FRMD1: variants seen among roughly 807,000 people sequenced by gnomAD.
FRMD1 encodes FERM domain containing 1.
A neutral mutation model predicts 54.9 loss-of-function variants in FRMD1; 51 were observed. The observed-to-expected ratio is 0.93, with a 90% CI of 0.74 to 1.17. FRMD1 has a LOEUF of 1.17. Among genes scored for constraint, FRMD1 ranks in the 50% most tolerant of loss-of-function variants. The probability of loss-of-function intolerance (pLI) is 0.00; values close to 1 mark genes in which losing one functional copy is unlikely to be tolerated. For missense variants in FRMD1, 729 were observed against 743.0 expected, an observed-to-expected ratio of 0.98 and a Z score of 0.22; for synonymous variants, 324 against 306.4, an observed-to-expected ratio of 1.06 and a Z score of -0.60.
Position 168,075,293 on chromosome 6 carries a change from C to G in FRMD1, c.256G>C (p.Val86Leu). The change falls in exon 2 of 11, where the codon GTG becomes CTG. Residue 86 changes from valine (V) to leucine (L), a missense_variant. Coordinates refer to ENST00000283309, the MANE Select transcript of FRMD1 (RefSeq NM_024919.6). ...AACTGCGCGTCTCTGATGCTCGCCA[C>G]GTTGCACACTTGCTGGAAAAGCTCG... ...GRELFQQVCN[V>L]ASIRDAQFFG... 1 of 1,613,670 alleles carries G rather than the reference C, an allele frequency of 6.2e-7. No individual in the cohort carries two copies. Among genetic ancestry groups the G allele is most frequent in the Non-Finnish European group, 8.5e-7 (1 of 1,180,006 alleles).
upstream of FRMD1, among the ~76,000 whole-genome samples, chr6:168,080,143 C>T (rs533703426): frequency 3.9e-5 from 6 of 152,242 alleles, no homozygotes; most frequent in Admixed American, 6.5e-5. Flanking sequence ...GCACTCCAGC[C>T]GCCTTAAGGC....
At chr6:168,064,333 CG>C (rs1418780168) in intron 5 of FRMD1, among the ~76,000 whole-genome samples, 1 of 152,194 alleles carries the variant, frequency 6.6e-6, no homozygotes, top group Non-Finnish European at 1.5e-5. Flanking sequence ...CCTGCATCCC[CG>C]GGGTGACAGC....
In FRMD1 at chr6:168,060,791, T is replaced by C. The variant is rs780325200; in HGVS notation, c.1312A>G (p.Ser438Gly). Residue 438 changes from serine (S) to glycine (G), a missense_variant, in exon 9 of 11, where the codon AGC (serine) becomes GGC (glycine). Physicochemically the swap from Ser to Gly is moderately conservative, Grantham distance 56. Coordinates refer to ENST00000283309, the MANE Select transcript of FRMD1 (RefSeq NM_024919.6). ...EPSSSPRTSR[S>G]HPSTRGDSQA... ...CTGTCACCACGTGTGCTGGGGTGGC[T>C]GCGGCTGGTCCTGGGGCTGGAGGAC... 5.6e-6 allele frequency: 9 copies of C among 1,611,872 alleles called. No individual in the cohort carries two copies. The East Asian group carries it at 1.8e-4, about 32-fold the overall frequency.
intron 1 of FRMD1, among the ~76,000 whole-genome samples, chr6:168,076,570 T>G (rs555987422): frequency 6.6e-6 from 1 of 152,356 alleles, no homozygotes; most frequent in East Asian, 1.9e-4. Context: ...CGCTGGGCAC[T>G]CATTCTCTCT....
chr6:168,072,896 C>A (rs1403058742), intron 2 of FRMD1, among the ~76,000 whole-genome samples: 1 of 152,164 alleles, frequency 6.6e-6, no homozygotes, highest in Non-Finnish European at 1.5e-5. Context: ...AGTCAACATC[C>A]CGCCCTCCCC....
chr6:168,061,152 A>G (rs1799710291), intron 8 of FRMD1, 95 bp from the exon 9 acceptor site: 2 of 1,262,144 alleles, frequency 1.6e-6, no homozygotes, highest in Admixed American at 4.7e-5. Flanking sequence ...ATGCACACCC[A>G]CAGCCCAGAT....
upstream of FRMD1, among the ~76,000 whole-genome samples, chr6:168,083,319 G>A (rs140823771): frequency 1.1e-4 from 16 of 152,318 alleles, no homozygotes; most frequent in East Asian, 1.7e-3. Context: ...CAGGATGGGC[G>A]CTGGAAAGGC....
chr6:168,068,493 T>C (rs919991528), intron 2 of FRMD1, among the ~76,000 whole-genome samples: 39 of 152,340 alleles, frequency 2.6e-4, no homozygotes, highest in African/African-American at 8.4e-4. Flanking sequence ...ATGTACACTT[T>C]ACATCATCTT....
chr6:168,083,767 T>C (rs998258278), upstream of FRMD1, among the ~76,000 whole-genome samples: 1 of 152,144 alleles, frequency 6.6e-6, no homozygotes, highest in Non-Finnish European at 1.5e-5. Context: ...ATCTGGAAAG[T>C]GTGACTTTCA....
chr6:168,060,988 G>A lies in FRMD1; in HGVS notation c.1115C>T (p.Pro372Leu), dbSNP rs747858234. 5.6e-6 allele frequency: 9 copies of A among 1,612,974 alleles called. No individual in the cohort carries two copies. Among genetic ancestry groups the A allele is most frequent in the East Asian group, 4.5e-5 (2 of 44,884 alleles). The stretch of plus-strand genomic sequence containing the variant: ...GTGCTGGCTGCTGACCCCACTGCCC[G>A]GGAAGCTCCTGCTGGCCAGGTCCAG... ...LELDLASRSF[P>L]GSGVSSQHCP... Residue 372 changes from proline (P) to leucine (L), a missense_variant, in exon 9 of 11, where the codon CCG (proline) becomes CTG (leucine). Physicochemically the swap from Pro to Leu is moderately conservative, Grantham distance 98 (BLOSUM62 -3). Coordinates refer to ENST00000283309, the MANE Select transcript of FRMD1 (RefSeq NM_024919.6).
intron 2 of FRMD1, 200 bp from the exon 3 acceptor site, chr6:168,067,646 C>A: frequency 1.9e-6 from 1 of 521,288 alleles, no homozygotes. Context: ...CAAATGCTTG[C>A]TTACTAAAAC....
chr6:168,090,151 CT>C (rs919786431), intron 1 of FRMD1, among the ~76,000 whole-genome samples: 12 of 152,162 alleles, frequency 7.9e-5, no homozygotes, highest in African/African-American at 2.9e-4. Context: ...GGACCCACCC[CT>C]GGTTGGCTCG....
chr6:168,065,103 C>A, intron 4 of FRMD1, 46 bp from the exon 5 acceptor site: 2 of 1,556,854 alleles, frequency 1.3e-6, no homozygotes, highest in Non-Finnish European at 1.7e-6. Context: ...GGTGTGGGGA[C>A]TGCTGGCCCC....
At chr6:168,060,270 G>A (rs1343662340) in intron 9 of FRMD1, among the ~76,000 whole-genome samples, 2 of 146,542 alleles carry the variant, frequency 1.4e-5, no homozygotes, top group Non-Finnish European at 3.0e-5. Context: ...ATTCCTGGGA[G>A]AGGGAGGGGC....
At chr6:168,058,771 G>A (rs563258295) in intron 10 of FRMD1, among the ~76,000 whole-genome samples, 38 of 152,298 alleles carry the variant, frequency 2.5e-4, no homozygotes, top group African/African-American at 9.1e-4. Flanking sequence ...TGGACGAAGG[G>A]GACGGGGCAG....
At chr6:168,080,435 T>C (rs1800795629), upstream of FRMD1, among the ~76,000 whole-genome samples, 2 of 91,684 alleles carry the variant, frequency 2.2e-5, no homozygotes, top group Admixed American at 1.1e-4. Flanking sequence ...CACAAAAAGT[T>C]TTAAAAATGG....
At chr6:168,073,905 C>G (rs1451031527) in intron 2 of FRMD1, among the ~76,000 whole-genome samples, 3 of 152,068 alleles carry the variant, frequency 2.0e-5, no homozygotes, top group African/African-American at 7.2e-5. Flanking sequence ...GAGGTCAGCT[C>G]AGCCCTGTCC....
intron 7 of FRMD1, chr6:168,062,617 T>C: frequency 6.7e-7 from 1 of 1,498,862 alleles, no homozygotes; most frequent in Non-Finnish European, 9.1e-7. Flanking sequence ...GCCCCGAGGA[T>C]GAAGCTGCAT....
chr6:168,089,836 C>T (rs1352501160), intron 1 of FRMD1, among the ~76,000 whole-genome samples: 1 of 152,208 alleles, frequency 6.6e-6, no homozygotes, highest in Non-Finnish European at 1.5e-5. Context: ...TGAGGGAAAG[C>T]ACGTGAGCCC....
Sources: gnomAD v4.1 joint callset for allele counts (sites outside exome capture counted in the v4.1 genomes callset) on GRCh38, gnomAD v4.1.1 for gene constraint, MANE v1.5 for transcripts, NCBI Gene and HGNC (gene_info 2026-07-23, HGNC 2026-07-21) for gene names.